KIF13B: variants seen among roughly 807,000 people sequenced by gnomAD.
The protein encoded by KIF13B is kinesin family member 13B.
In KIF13B, 127 loss-of-function variants were observed where a neutral mutation model predicts 222.0. The ratio of observed to expected loss-of-function variants is 0.57; its 90% CI spans 0.50 to 0.66. KIF13B has a LOEUF of 0.66. Among genes scored for constraint, KIF13B ranks in the 30% least tolerant of loss-of-function variants. The pLI is 0.00. For missense variants in KIF13B, 2,173 were observed against 2,379.0 expected (o/e 0.91, Z 1.80); for synonymous variants, 976 against 919.0 (o/e 1.06, Z -1.12).
chr8:29,165,895 G>C lies in KIF13B; in HGVS notation c.1159-123C>G, dbSNP rs1811974292. The C allele has an allele frequency of 1.1e-4, 10 of 88,918 alleles. No individual in the cohort carries two copies. In the South Asian group the frequency reaches 1.2e-3, roughly 11 times the overall value. The allele number at this position is 88,918 out of a possible 1,614,324, so 5.5% of individuals were successfully genotyped here. ...ATGGCTGAATGTCACGCTGAGGTCT[G>C]ACATCTACTTCGATTGTAGATCGAA... On this transcript the variant is annotated intron_variant, in intron 11 of 39. Coordinates refer to ENST00000524189, the MANE Select transcript of KIF13B (RefSeq NM_015254.4).
chr8:29,148,399 C>T (rs76085098), intron 16 of KIF13B, among the ~76,000 whole-genome samples, 178 bp downstream of exon 16: 2 of 149,720 alleles, frequency 1.3e-5, no homozygotes, highest in Non-Finnish European at 3.0e-5. Flanking sequence ...AACACTCTAC[C>T]GTTTTTTTTT....
chr8:29,164,111 C>T (rs185434782), intron 12 of KIF13B, among the ~76,000 whole-genome samples: 1 of 152,312 alleles, frequency 6.6e-6, no homozygotes, highest in Non-Finnish European at 1.5e-5. Context: ...ATTTAGTATA[C>T]TCTTCTCTAA....
At chr8:29,093,103 G>A (rs1416918863) in intron 36 of KIF13B, among the ~76,000 whole-genome samples, 1 of 152,132 alleles carries the variant, frequency 6.6e-6, no homozygotes, top group Admixed American at 6.6e-5. Flanking sequence ...CTGCCAAAAT[G>A]CTCTAGTATG....
rs1158959801 is a variant in KIF13B at position 29,121,237 on chromosome 8, C to T, written c.3535+1354G>A. Among the ~76,000 whole-genome samples the T allele has an allele frequency of 1.7e-4, 14 of 81,120 alleles. No individual in the cohort carries two copies. In the East Asian group the frequency reaches 2.6e-3, roughly 15 times the overall value. The allele number at this position is 81,120 out of a possible 152,430, so 53.2% of individuals were successfully genotyped here. On this transcript the variant is annotated intron_variant, in intron 29 of 39. Coordinates refer to ENST00000524189, the MANE Select transcript of KIF13B (RefSeq NM_015254.4). ...GTTCATATGGAACCAAAAAAGAGCCCGCATTGCCAAGTCAATCCTAAGCCA... is the reference window on the plus strand; with the variant it reads ...GTTCATATGGAACCAAAAAAGAGCCTGCATTGCCAAGTCAATCCTAAGCCA...
chr8:29,110,434 G>A (rs887355955), intron 32 of KIF13B: 2 of 244,062 alleles, frequency 8.2e-6, no homozygotes, highest in African/African-American at 2.3e-5. Flanking sequence ...AACTCCTGAG[G>A]GACAGAGAAA....
chr8:29,203,079 G>C (rs1381526884), intron 2 of KIF13B, among the ~76,000 whole-genome samples: 1 of 152,196 alleles, frequency 6.6e-6, no homozygotes, highest in Non-Finnish European at 1.5e-5. Flanking sequence ...TCTCATGATA[G>C]AATAAACTTT....
At chr8:29,247,892 C>G (rs890519601) in intron 1 of KIF13B, among the ~76,000 whole-genome samples, 1 of 147,602 alleles carries the variant, frequency 6.8e-6, no homozygotes, top group Admixed American at 6.7e-5. Flanking sequence ...GGCAAAGGAT[C>G]TGAATATACG....
chr8:29,258,015 G>A lies in KIF13B; in HGVS notation c.55+4965C>T, dbSNP rs192525109. 1.9e-3 allele frequency among the ~76,000 whole-genome samples: 286 copies of A among 152,286 alleles called. 3 individuals carry two copies. The highest frequency in any genetic ancestry group is 1.6e-3 in the Non-Finnish European group (109 of 68,030). On this transcript the variant is annotated intron_variant, in intron 1 of 39. Transcript: ENST00000524189. ...GTCTCATTCACCATTAGCATGTCAA[G>A]CAGATGCTGACAAAACAAGTATCTT...
chr8:29,226,491 G>A (rs1211249825), intron 2 of KIF13B, among the ~76,000 whole-genome samples: 2 of 152,272 alleles, frequency 1.3e-5, no homozygotes, highest in African/African-American at 4.8e-5. Flanking sequence ...AGGAGCCTGT[G>A]AGTAGGTGGC....
chr8:29,205,007 G>A (rs930481054), intron 2 of KIF13B, among the ~76,000 whole-genome samples: 2 of 151,912 alleles, frequency 1.3e-5, no homozygotes, highest in Admixed American at 6.6e-5. Flanking sequence ...CTATATCTCC[G>A]AACCAGAGGC....
At chr8:29,167,287 C>A in intron 11 of KIF13B, 86 bp downstream of exon 11, 1 of 1,085,990 alleles carries the variant, frequency 9.2e-7, no homozygotes, top group East Asian at 2.6e-5. Flanking sequence ...GAGTACTCAT[C>A]CCTCACAGCC....
chr8:29,143,980 G>A (rs1810938683), intron 18 of KIF13B, among the ~76,000 whole-genome samples: 1 of 151,104 alleles, frequency 6.6e-6, no homozygotes, highest in South Asian at 2.1e-4. Flanking sequence ...AGTAGAACTT[G>A]AGCAATGTGT....
chr8:29,110,115 A>ACACACACACGTACACGCGTG (rs1809287441), intron 32 of KIF13B, 45 bp from the exon 33 acceptor site: 1 of 1,495,556 alleles, frequency 6.7e-7, no homozygotes, highest in Non-Finnish European at 9.1e-7. Flanking sequence ...CTTGATGTAC[A>ACACACACACGTACACGCGTG]CACACACACG....
chr8:29,072,063 G>C lies in KIF13B; in HGVS notation c.4775C>G (p.Pro1592Arg). 7.6e-7 allele frequency: 1 copy of C among 1,308,164 alleles called. No homozygotes were observed. Among genetic ancestry groups the C allele is most frequent in the Non-Finnish European group, 9.7e-7 (1 of 1,028,120 alleles). 81.0% of individuals were successfully genotyped at this position (1,308,164 alleles called of 1,614,324 possible). Residue 1592 changes from proline to arginine, a missense_variant, in exon 39 of 40, where the codon CCG (proline) becomes CGG (arginine). Physicochemically the swap from Pro to Arg is moderately radical, Grantham distance 103. This residue lies in a region of KIF13B where 693 missense variants were observed against 656.2 expected (regional missense o/e 1.06). Transcript: ENST00000524189. ...LGPGLDAAAP[P>R]GSMPTAPEAE... ...CTCAGGGGCGGTGGGCATGGACCCC[G>C]GCGGGGCCGCAGCGTCCAGGCCGGG...
At chr8:29,203,015 T>C (rs1813767294) in intron 2 of KIF13B, among the ~76,000 whole-genome samples, 1 of 152,144 alleles carries the variant, frequency 6.6e-6, no homozygotes. Flanking sequence ...CCTTCCCCAA[T>C]TCCTACATAA....
At chr8:29,124,540 G>C (rs1027094543) in intron 26 of KIF13B, among the ~76,000 whole-genome samples, 1 of 152,148 alleles carries the variant, frequency 6.6e-6, no homozygotes, top group African/African-American at 2.4e-5. Flanking sequence ...TTGAGGACGG[G>C]AGTTTGAGGC....
At chr8:29,210,860 C>T (rs140527694) in intron 2 of KIF13B, among the ~76,000 whole-genome samples, 134 of 152,302 alleles carry the variant, frequency 8.8e-4, no homozygotes, top group Middle Eastern at 3.4e-3. Context: ...ATTTGTTTTC[C>T]CTTCAGCAAC....
chr8:29,214,396 A>T (rs1814380516), intron 2 of KIF13B, among the ~76,000 whole-genome samples: 1 of 152,194 alleles, frequency 6.6e-6, no homozygotes, highest in African/African-American at 2.4e-5. Flanking sequence ...AATTAGACTT[A>T]AAAACCTAAA....
At chr8:29,101,400 C>T (rs1342454392) in intron 35 of KIF13B, among the ~76,000 whole-genome samples, 1 of 152,154 alleles carries the variant, frequency 6.6e-6, no homozygotes, top group Non-Finnish European at 1.5e-5. Flanking sequence ...CGGTCTGTCC[C>T]TCAGGAAAAC....
Sources: gnomAD v4.1 joint callset for allele counts (sites outside exome capture counted in the v4.1 genomes callset) on GRCh38, gnomAD v4.1.1 for gene constraint, gnomAD v4.1.1 regional missense constraint, MANE v1.5 for transcripts, NCBI Gene and HGNC (gene_info 2026-07-23, HGNC 2026-07-21) for gene names.